Variants in MMP26 observed in about 807,000 individuals in gnomAD.
The protein encoded by MMP26 is matrix metallopeptidase 26, also known as matrix metalloproteinase-26.
Under a neutral mutation model 31.0 loss-of-function variants are expected in MMP26, and 33 were observed. That is an observed-to-expected ratio of 1.06 (90% CI 0.81 to 1.42). MMP26 has a LOEUF of 1.42. Ranked by LOEUF, MMP26 falls within the 40% of genes most tolerant of loss-of-function variation. The probability of loss-of-function intolerance (pLI) is 0.00; values close to 1 mark genes in which losing one functional copy is unlikely to be tolerated. For synonymous variants in MMP26, 122 were observed against 114.9 expected, an observed-to-expected ratio of 1.06 and a Z score of -0.40; for missense variants, 347 against 316.1, an observed-to-expected ratio of 1.10 and a Z score of -0.74.
intron 2 of MMP26, among the ~76,000 whole-genome samples, chr11:4,869,703 C>G (rs1212452304): frequency 1.2e-4 from 19 of 152,144 alleles, no homozygotes; most frequent in African/African-American, 4.6e-4. Context: ...TTTGACCCAG[C>G]AATCCCATTA....
chr11:4,884,531 C>T (rs1024252984), intron 2 of MMP26, among the ~76,000 whole-genome samples: 1 of 152,070 alleles, frequency 6.6e-6, no homozygotes, highest in East Asian at 1.9e-4. Flanking sequence ...TACAATTTCC[C>T]TTAGAGAGTA....
chr11:4,823,916 C>T (rs567012217), intron 2 of MMP26, among the ~76,000 whole-genome samples: 1 of 152,132 alleles, frequency 6.6e-6, no homozygotes, highest in Admixed American at 6.5e-5. Context: ...ATAAGTTAAC[C>T]AAAAGAGAGC....
chr11:4,819,113 G>A (rs893026183), intron 2 of MMP26, among the ~76,000 whole-genome samples: 2 of 152,132 alleles, frequency 1.3e-5, no homozygotes, highest in African/African-American at 4.8e-5. Flanking sequence ...AGGAAAAACA[G>A]TTATAAGAGA....
intron 1 of MMP26, among the ~76,000 whole-genome samples, chr11:4,725,476 G>T (rs1200213337): frequency 6.6e-6 from 1 of 152,020 alleles, no homozygotes; most frequent in Non-Finnish European, 1.5e-5. Flanking sequence ...TGCAAGAACT[G>T]CCAGCTTTTG....
chr11:4,910,822 C>G (rs186851510), intron 2 of MMP26, among the ~76,000 whole-genome samples: 5 of 144,582 alleles, frequency 3.5e-5, no homozygotes, highest in Admixed American at 2.8e-4. Context: ...GCATGAGTGA[C>G]CATCATGGAA....
At chr11:4,750,296 AAG>A (rs1848431892) in intron 1 of MMP26, among the ~76,000 whole-genome samples, 1 of 152,116 alleles carries the variant, frequency 6.6e-6, no homozygotes, top group Non-Finnish European at 1.5e-5. Flanking sequence ...ATGTGGAGAA[AAG>A]AGAACATTTA....
intron 2 of MMP26, chr11:4,919,370 G>A (rs1851147929): frequency 6.6e-6 from 1 of 152,214 alleles, no homozygotes; most frequent in Admixed American, 6.5e-5. Flanking sequence ...GTGACTGGAG[G>A]ACGGATGTTT....
rs1846871419 is a variant in MMP26, at chr11:4,985,398, T to C, written c.-144-2670T>C. On this transcript the variant is annotated intron_variant, in intron 2 of 7. Transcript: ENST00000380390. ...CTAACAACAAACATCATTGTTTCCA[T>C]AGGCAGTCTTAAATCCATCTTGCCT... Among the ~76,000 whole-genome samples the C allele has an allele frequency of 3.9e-5, 6 of 152,192 alleles. No homozygotes were observed. The South Asian group carries it at 1.0e-3, about 26-fold the overall frequency.
chr11:4,748,094 C>G (rs1848402487), intron 1 of MMP26, among the ~76,000 whole-genome samples: 2 of 151,806 alleles, frequency 1.3e-5, no homozygotes. Flanking sequence ...AATAAGTACA[C>G]TCAGAAATGA....
intron 1 of MMP26, among the ~76,000 whole-genome samples, chr11:4,766,481 G>A (rs1329114146): frequency 2.1e-5 from 3 of 142,108 alleles, no homozygotes; most frequent in African/African-American, 8.7e-5. Context: ...TGCTTGGGTT[G>A]AGTACAGTAT....
intron 2 of MMP26, among the ~76,000 whole-genome samples, chr11:4,868,873 C>G (rs955685384): frequency 6.6e-6 from 1 of 151,996 alleles, no homozygotes; most frequent in Non-Finnish European, 1.5e-5. Flanking sequence ...AACAGAGATA[C>G]AGACCAATGG....
At chr11:4,947,397 G>C (rs1846329139) in intron 2 of MMP26, 1 of 236,442 alleles carries the variant, frequency 4.2e-6, no homozygotes, top group Admixed American at 6.5e-5. Context: ...ATTTTTTCCT[G>C]TAAAATATTA....
At chr11:4,735,587 T>C (rs916090950) in intron 1 of MMP26, among the ~76,000 whole-genome samples, 1 of 152,198 alleles carries the variant, frequency 6.6e-6, no homozygotes, top group South Asian at 2.1e-4. Context: ...ACATATTACA[T>C]AGTAATCAGA....
intron 2 of MMP26, among the ~76,000 whole-genome samples, chr11:4,931,403 T>C (rs947143152): frequency 3.9e-5 from 6 of 152,100 alleles, no homozygotes; most frequent in African/African-American, 1.2e-4. Flanking sequence ...AGAGATTTGC[T>C]CATGGCTGGA....
intron 2 of MMP26, chr11:4,848,711 G>C (rs1849921634): frequency 6.2e-7 from 1 of 1,613,980 alleles, no homozygotes; most frequent in African/African-American, 1.3e-5. Context: ...GGAATGGCAG[G>C]GGCAGATGGA....
At chr11:4,772,268 A>G (rs1418985088) in intron 2 of MMP26, among the ~76,000 whole-genome samples, 2 of 152,210 alleles carry the variant, frequency 1.3e-5, no homozygotes, top group Non-Finnish European at 2.9e-5. Context: ...GCATATAAAT[A>G]GAAAATTTAC....
rs777451639 is a variant in MMP26 at position 4,804,234 on chromosome 11, G to A, written c.-145+36893G>A. ...GGGTGTGGTCAATTCTGATTACATG[G>A]AGGAGAGTGATATTTCCAACAACAG... On this transcript the variant is annotated intron_variant, in intron 2 of 7. Coordinates refer to ENST00000380390, the MANE Select transcript of MMP26 (RefSeq NM_021801.5). 3.7e-6 allele frequency: 6 copies of A among 1,613,756 alleles called. No individual in the cohort carries two copies. In the South Asian group the frequency reaches 6.6e-5, roughly 18 times the overall value.
At chr11:4,766,630 G>A (rs145528848) in intron 1 of MMP26, among the ~76,000 whole-genome samples, 2 of 151,112 alleles carry the variant, frequency 1.3e-5, no homozygotes, top group Non-Finnish European at 2.9e-5. Flanking sequence ...CTTGCTTGGT[G>A]TAACAAATGG....
chr11:4,900,816 C>T (rs1341507469), intron 2 of MMP26, among the ~76,000 whole-genome samples: 1 of 152,128 alleles, frequency 6.6e-6, no homozygotes, highest in Admixed American at 6.5e-5. Context: ...AGTTACCCAC[C>T]ATTAACAATA....
Sources: allele counts gnomAD v4.1 joint callset (sites outside exome capture counted in the v4.1 genomes callset), GRCh38; gene constraint gnomAD v4.1.1; transcripts MANE v1.5; gene names NCBI Gene and HGNC (gene_info 2026-07-23, HGNC 2026-07-21).